SLC22A3: variants seen among roughly 807,000 people sequenced by gnomAD.
The protein encoded by SLC22A3 is EMT organic cation transporter 3.
A neutral mutation model predicts 59.1 loss-of-function variants in SLC22A3; 51 were observed. That is an observed-to-expected ratio of 0.86 (90% CI 0.69 to 1.09). SLC22A3 has a LOEUF of 1.09. SLC22A3 is among the 50% of genes least tolerant of loss of function. The pLI, the probability that SLC22A3 is intolerant of heterozygous loss-of-function variation, is 0.00. For missense variants in SLC22A3, 711 were observed against 726.3 expected (o/e 0.98, Z 0.24); for synonymous variants, 325 against 292.0 (o/e 1.11, Z -1.15).
chr6:160,348,941 G>C, intron 1 of SLC22A3, 93 bp downstream of exon 1: 1 of 1,530,358 alleles, frequency 6.5e-7, no homozygotes, highest in East Asian at 2.5e-5. Flanking sequence ...GCCGCCAGGG[G>C]AGGTCGGTGG....
intron 1 of SLC22A3, among the ~76,000 whole-genome samples, chr6:160,389,081 A>G (rs1265607492): frequency 6.6e-6 from 1 of 152,082 alleles, no homozygotes; most frequent in East Asian, 1.9e-4. Flanking sequence ...AATGTATTAG[A>G]TAGTCACTGG....
chr6:160,435,539 G>A (rs1020766099), intron 5 of SLC22A3, among the ~76,000 whole-genome samples: 9 of 152,182 alleles, frequency 5.9e-5, no homozygotes, highest in African/African-American at 1.9e-4. Context: ...AGCAAAGATA[G>A]GCATAAGATA....
intron 2 of SLC22A3, among the ~76,000 whole-genome samples, chr6:160,403,713 T>A (rs529189581): frequency 1.3e-5 from 2 of 151,914 alleles, no homozygotes; most frequent in Non-Finnish European, 1.5e-5. Context: ...TACTGTAGCA[T>A]ACCAAGTGCG....
intron 3 of SLC22A3, among the ~76,000 whole-genome samples, chr6:160,407,835 G>C (rs947123232): frequency 2.6e-5 from 4 of 152,170 alleles, no homozygotes; most frequent in Admixed American, 6.5e-5. Flanking sequence ...CTTACTTTAA[G>C]AGTAGTGGTG....
At chr6:160,426,809 T>C (rs1035741631) in intron 5 of SLC22A3, among the ~76,000 whole-genome samples, 26 of 152,188 alleles carry the variant, frequency 1.7e-4, no homozygotes, top group African/African-American at 6.0e-4. Context: ...AGGCTCTCCA[T>C]GGAGTTCAAG....
At chr6:160,435,975 G>C (rs1414190059) in intron 5 of SLC22A3, among the ~76,000 whole-genome samples, 2 of 152,164 alleles carry the variant, frequency 1.3e-5, no homozygotes, top group Non-Finnish European at 2.9e-5. Context: ...TAGAGGTCCG[G>C]GGAGTAGAGG....
intron 1 of SLC22A3, among the ~76,000 whole-genome samples, chr6:160,371,827 C>T (rs1421125590): frequency 6.6e-6 from 1 of 152,232 alleles, no homozygotes; most frequent in Non-Finnish European, 1.5e-5. Flanking sequence ...TCCACATCCT[C>T]TCCAGCATCT....
intron 9 of SLC22A3, among the ~76,000 whole-genome samples, chr6:160,445,394 A>G (rs1324513246): frequency 6.6e-6 from 1 of 152,222 alleles, no homozygotes; most frequent in African/African-American, 2.4e-5. Context: ...TGGATCCGGA[A>G]GGGCCTCAAG....
At chr6:160,444,003 T>G (rs1788651179) in intron 9 of SLC22A3, among the ~76,000 whole-genome samples, 1 of 152,192 alleles carries the variant, frequency 6.6e-6, no homozygotes, top group Admixed American at 6.5e-5. Context: ...TAGCATTCTT[T>G]GGGTTCTGAG....
intron 5 of SLC22A3, among the ~76,000 whole-genome samples, chr6:160,436,513 A>G (rs961187146): frequency 1.3e-5 from 2 of 152,346 alleles, no homozygotes; most frequent in Non-Finnish European, 2.9e-5. Flanking sequence ...ATAAATGTGC[A>G]TATGTATTTA....
intron 5 of SLC22A3, among the ~76,000 whole-genome samples, chr6:160,423,312 A>T (rs952879874): frequency 2.0e-5 from 3 of 152,192 alleles, no homozygotes; most frequent in Admixed American, 2.0e-4. Context: ...GTGCCTTTAT[A>T]GCAGCATGAT....
chr6:160,392,166 C>A lies in SLC22A3; in HGVS notation c.430-5813C>A, dbSNP rs777128991. On this transcript the variant is annotated intron_variant, in intron 1 of 10. Transcript: ENST00000275300. ...GGAGAAGCAGCTGCCCAGCTTAAAA[C>A]AGTGTACTTCCCAGTCATGTGCCAG... is the stretch of plus-strand genomic sequence containing the variant. 1.8e-4 allele frequency among the ~76,000 whole-genome samples: 28 copies of A among 152,174 alleles called. 1 individual carries two copies. The highest frequency in any genetic ancestry group is 3.1e-4 in the Non-Finnish European group (21 of 68,034).
intron 1 of SLC22A3, among the ~76,000 whole-genome samples, chr6:160,367,330 A>T (rs1421695699): frequency 1.3e-5 from 2 of 152,168 alleles, no homozygotes; most frequent in Non-Finnish European, 2.9e-5. Flanking sequence ...GAAGAGCAGC[A>T]TGGAGGTAAC....
intron 1 of SLC22A3, among the ~76,000 whole-genome samples, chr6:160,394,673 A>C (rs1786400548): frequency 6.6e-6 from 1 of 152,258 alleles, no homozygotes. Context: ...CAGGCTAGGT[A>C]TTTTAACCAG....
chr6:160,426,415 C>T lies in SLC22A3; in HGVS notation c.976-10365C>T. 6.6e-6 allele frequency: 6 copies of T among 914,868 alleles called. No individual in the cohort carries two copies. The South Asian group carries it at 1.5e-4, about 23-fold the overall frequency. 56.7% of individuals were successfully genotyped at this position (914,868 alleles called of 1,614,324 possible). A position where few individuals can be genotyped will look rare whatever the true frequency, so the allele number is the denominator to read the frequency against. On this transcript the variant is annotated intron_variant, in intron 5 of 10. Transcript: ENST00000275300. ...AGGCATCATTGGGCTGTGCAACACT[C>T]GTCTCATGTCCTACTTGATTTTCTT...
chr6:160,382,226 C>A (rs1785825505), intron 1 of SLC22A3, among the ~76,000 whole-genome samples: 1 of 152,158 alleles, frequency 6.6e-6, no homozygotes, highest in Non-Finnish European at 1.5e-5. Context: ...TGAGGCCCTG[C>A]TGGCTAAAGA....
At chr6:160,412,455 CTTATA>C (rs1298808330) in intron 5 of SLC22A3, among the ~76,000 whole-genome samples, 1 of 152,180 alleles carries the variant, frequency 6.6e-6, no homozygotes, top group Admixed American at 6.5e-5. Flanking sequence ...CTTCCTCTCT[CTTATA>C]TTAAGTGGCA....
chr6:160,354,971 C>A (rs1784780160), intron 1 of SLC22A3, among the ~76,000 whole-genome samples: 1 of 152,160 alleles, frequency 6.6e-6, no homozygotes, highest in Non-Finnish European at 1.5e-5. Flanking sequence ...CCGGAGCAAC[C>A]TTCCTCCTGC....
chr6:160,427,206 G>A (rs367558960), intron 5 of SLC22A3, among the ~76,000 whole-genome samples: 9 of 152,256 alleles, frequency 5.9e-5, no homozygotes, highest in South Asian at 2.1e-4. Context: ...CCCCACTGCC[G>A]ACTTGCCAAG....
Sources: allele counts gnomAD v4.1 joint callset (sites outside exome capture counted in the v4.1 genomes callset), GRCh38; gene constraint gnomAD v4.1.1; transcripts MANE v1.5; gene names NCBI Gene and HGNC (gene_info 2026-07-23, HGNC 2026-07-21).